Variants in ABCA1 observed in about 807,000 individuals in gnomAD.
ABCA1 encodes the protein phospholipid-transporting ATPase ABCA1.
Under a neutral mutation model 262.5 loss-of-function variants are expected in ABCA1, and 133 were observed. The observed-to-expected ratio is 0.51, with a 90% CI of 0.44 to 0.59. ABCA1 has a LOEUF of 0.59. Ranked by LOEUF, ABCA1 falls within the 20% of genes least tolerant of loss-of-function variation. The pLI is 0.00. For missense variants in ABCA1, 2,452 were observed against 2,777.5 expected, an observed-to-expected ratio of 0.88 and a Z score of 2.63; for synonymous variants, 1,022 against 1,043.5, an observed-to-expected ratio of 0.98 and a Z score of 0.40.
Position 104,820,053 on chromosome 9 carries a change from G to C in ABCA1, c.2977C>G (p.His993Asp). ...TTCAAGCGGGCATAGAACCAGATGTGTTCTTCGACAGTCAGCCTGGGGACA... is the reference window on the plus strand; with the variant it reads ...TTCAAGCGGGCATAGAACCAGATGTCTTCTTCGACAGTCAGCCTGGGGACA... ...VLFDMLTVEE[H>D]IWFYARLKGL... The change falls in exon 21 of 50, where the codon CAC (histidine) becomes GAC (aspartate). Residue 993 changes from histidine (H) to aspartate (D), a missense_variant. By Grantham distance (81) the His-to-Asp change is moderately conservative (BLOSUM62 -1). Coordinates refer to ENST00000374736, the MANE Select transcript of ABCA1 (RefSeq NM_005502.4). The C allele has an allele frequency of 6.2e-7, 1 of 1,614,158 alleles. No homozygotes were observed. The highest frequency in any genetic ancestry group is 8.5e-7 in the Non-Finnish European group (1 of 1,180,038).
rs1445613337 is a variant in ABCA1 at position 104,861,860 on chromosome 9, G to A, written c.422-60C>T. The A allele has an allele frequency of 2.2e-6, 3 of 1,343,508 alleles. No homozygotes were observed. In the African/African-American group the frequency reaches 4.4e-5, roughly 19 times the overall value. 83.2% of individuals were successfully genotyped at this position (1,343,508 alleles called of 1,614,324 possible). On this transcript the variant is annotated intron_variant, in intron 5 of 49. Coordinates refer to ENST00000374736, the MANE Select transcript of ABCA1 (RefSeq NM_005502.4). The stretch of plus-strand genomic sequence containing the variant: ...AGTAACTCAAAAAAAAAAAAAAAGT[G>A]GGCACAATGGGACAGTGGAGAAACG...
intron 1 of ABCA1, among the ~76,000 whole-genome samples, chr9:104,904,401 C>T (rs1840929623): frequency 6.6e-6 from 1 of 152,058 alleles, no homozygotes; most frequent in Non-Finnish European, 1.5e-5. Flanking sequence ...AACCCCGTCT[C>T]TACTAAAAAT....
intron 32 of ABCA1, among the ~76,000 whole-genome samples, chr9:104,803,702 G>C (rs911821942): frequency 2.6e-5 from 4 of 152,002 alleles, no homozygotes; most frequent in African/African-American, 9.7e-5. Context: ...CCGCCTCCCA[G>C]ATTCAAGCAA....
intron 5 of ABCA1, among the ~76,000 whole-genome samples, chr9:104,881,519 AAATAC>A (rs577263298): frequency 1.3e-3 from 201 of 152,310 alleles, no homozygotes; most frequent in African/African-American, 4.5e-3. Flanking sequence ...CCTATGTGCC[AAATAC>A]TGTTTTTAAG....
intron 7 of ABCA1, chr9:104,855,153 G>T: frequency 1.0e-6 from 1 of 984,886 alleles, no homozygotes; most frequent in Non-Finnish European, 1.2e-6. Flanking sequence ...GGACCACTTC[G>T]CTTGGTATGA....
intron 3 of ABCA1, 150 bp from the exon 4 acceptor site, chr9:104,884,718 C>A: frequency 1.0e-6 from 1 of 957,742 alleles, no homozygotes; most frequent in Non-Finnish European, 1.6e-6. Context: ...AAAACTGACT[C>A]TCAGGTGGAA....
At chr9:104,904,205 T>C (rs971767675) in intron 1 of ABCA1, among the ~76,000 whole-genome samples, 4 of 152,164 alleles carry the variant, frequency 2.6e-5, no homozygotes, top group African/African-American at 9.7e-5. Flanking sequence ...CTGGAGTGAC[T>C]TATACTATTC....
chr9:104,786,445 G>T, intron 47 of ABCA1, 55 bp from the exon 48 acceptor site: 1 of 1,467,878 alleles, frequency 6.8e-7, no homozygotes, highest in Non-Finnish European at 9.5e-7. Flanking sequence ...GTAACCATGA[G>T]AACATCACCA....
chr9:104,903,790 G>A lies in ABCA1; in HGVS notation c.-92-19C>T, dbSNP rs1840864555. 5.0e-6 allele frequency: 5 copies of A among 1,008,322 alleles called. No homozygotes were observed. The South Asian group carries it at 5.5e-5, about 11-fold the overall frequency. 62.5% of individuals were successfully genotyped at this position (1,008,322 alleles called of 1,614,324 possible). On this transcript the variant is annotated intron_variant, in intron 1 of 49. Coordinates refer to ENST00000374736, the MANE Select transcript of ABCA1 (RefSeq NM_005502.4). ...TCATTAACTGAAAGATAAAGCAGGA[G>A]GGGAAACAGCCATCAGTTATTGCTG...
At chr9:104,921,577 T>G (rs1331104049) in intron 1 of ABCA1, among the ~76,000 whole-genome samples, 7 of 152,212 alleles carry the variant, frequency 4.6e-5, no homozygotes, top group Non-Finnish European at 1.0e-4. Flanking sequence ...CTAAATAACT[T>G]AAGTATGCAC....
Position 104,796,557 on chromosome 9 carries a change from C to G in ABCA1, c.5122-133G>C. Reference sequence around the variant, plus strand: ...GAGTAACTCTGAATTAATGAAGCCACATAAACTATTAATCAAAATACCCGA... The same window carrying G: ...GAGTAACTCTGAATTAATGAAGCCAGATAAACTATTAATCAAAATACCCGA... On this transcript the variant is annotated intron_variant, in intron 37 of 49. Coordinates refer to ENST00000374736, the MANE Select transcript of ABCA1 (RefSeq NM_005502.4). 6.7e-6 allele frequency: 5 copies of G among 751,196 alleles called. No homozygotes were observed. The South Asian group carries it at 7.5e-5, about 11-fold the overall frequency. 46.5% of individuals were successfully genotyped at this position (751,196 alleles called of 1,614,324 possible). A position where few individuals can be genotyped will look rare whatever the true frequency, so the allele number is the denominator to read the frequency against.
chr9:104,862,704 C>CGGG (rs1416198882), intron 5 of ABCA1, among the ~76,000 whole-genome samples: 1 of 17,862 alleles, frequency 5.6e-5, no homozygotes, highest in Admixed American at 3.5e-4. Context: ...CGGGCCGGCC[C>CGGG]CCACCCCCAC....
intron 5 of ABCA1, among the ~76,000 whole-genome samples, chr9:104,869,015 G>A (rs2119132654): frequency 6.7e-6 from 1 of 149,034 alleles, no homozygotes; most frequent in Admixed American, 6.7e-5. Flanking sequence ...GGGTGAAGGA[G>A]CTTGGGGGAG....
chr9:104,837,158 T>C (rs1588356250), intron 10 of ABCA1, 62 bp from the exon 11 acceptor site: 2 of 1,219,062 alleles, frequency 1.6e-6, no homozygotes, highest in Non-Finnish European at 2.2e-6. Flanking sequence ...ACAATGAGCG[T>C]TTGGCTCCTC....
intron 1 of ABCA1, among the ~76,000 whole-genome samples, chr9:104,922,720 A>T (rs745591346): frequency 2.0e-5 from 3 of 151,938 alleles, no homozygotes; most frequent in African/African-American, 4.8e-5. Flanking sequence ...CAAGGCAGAC[A>T]TTTTTTTTCA....
chr9:104,912,429 C>A (rs60718644), intron 1 of ABCA1, among the ~76,000 whole-genome samples: 2,583 of 152,140 alleles, frequency 0.017, 66 homozygotes, highest in African/African-American at 0.059. Context: ...ATAAGGAGAT[C>A]CTAAAGGTTT....
chr9:104,852,380 T>C (rs1439241053), intron 7 of ABCA1, among the ~76,000 whole-genome samples: 2 of 152,238 alleles, frequency 1.3e-5, no homozygotes, highest in Non-Finnish European at 2.9e-5. Context: ...TTCTAATCTT[T>C]TAAAAAATAA....
intron 45 of ABCA1, 27 bp from the exon 46 acceptor site, chr9:104,788,081 T>A (rs1829081866): frequency 6.2e-7 from 1 of 1,611,664 alleles, no homozygotes; most frequent in African/African-American, 1.3e-5. Flanking sequence ...CACCTTGACT[T>A]TGGTCTGGCT....
intron 36 of ABCA1, among the ~76,000 whole-genome samples, chr9:104,799,106 A>G (rs1249525007): frequency 6.6e-6 from 1 of 152,160 alleles, no homozygotes; most frequent in South Asian, 2.1e-4. Context: ...TATAAGAAGA[A>G]TGGTCTCATA....
Sources: allele counts gnomAD v4.1 joint callset (sites outside exome capture counted in the v4.1 genomes callset), GRCh38; gene constraint gnomAD v4.1.1; transcripts MANE v1.5; gene names NCBI Gene and HGNC (gene_info 2026-07-23, HGNC 2026-07-21).